MYO3A: variants seen among roughly 807,000 people sequenced by gnomAD.
MYO3A encodes the protein myosin IIIA.
In MYO3A, 180 loss-of-function variants were observed where a neutral mutation model predicts 192.7. The observed-to-expected ratio is 0.93, with a 90% CI of 0.83 to 1.06. MYO3A has a LOEUF of 1.06. Among genes scored for constraint, MYO3A ranks in the 50% least tolerant of loss-of-function variants. MYO3A has a pLI of 0.00. For synonymous variants in MYO3A, 628 were observed against 645.3 expected (o/e 0.97, Z 0.41); for missense variants, 1,896 against 1,905.0 (o/e 1.00, Z 0.09).
chr10:25,999,390 A>G (rs11014890), intron 6 of MYO3A, among the ~76,000 whole-genome samples: 5,925 of 152,216 alleles, frequency 0.039, 423 homozygotes, highest in African/African-American at 0.13. Flanking sequence ...TAATATTTCT[A>G]TTCTCCACAG....
chr10:26,098,134 T>C (rs1248817010), intron 17 of MYO3A, among the ~76,000 whole-genome samples: 1 of 152,192 alleles, frequency 6.6e-6, no homozygotes, highest in East Asian at 1.9e-4. Flanking sequence ...TGGTATCTCA[T>C]TGTGGTTTTG....
At chr10:26,117,380 G>A (rs969424447) in intron 17 of MYO3A, among the ~76,000 whole-genome samples, 6 of 152,214 alleles carry the variant, frequency 3.9e-5, no homozygotes, top group Admixed American at 1.3e-4. Flanking sequence ...ATAGGGAAAC[G>A]TGTGTCACGG....
chr10:26,067,294 C>A (rs961591146), intron 11 of MYO3A, among the ~76,000 whole-genome samples: 1 of 152,176 alleles, frequency 6.6e-6, no homozygotes, highest in African/African-American at 2.4e-5. Context: ...CTATATAACT[C>A]AAATTTCCAG....
intron 17 of MYO3A, among the ~76,000 whole-genome samples, chr10:26,105,923 A>C (rs934177542): frequency 3.3e-5 from 5 of 151,992 alleles, no homozygotes; most frequent in Non-Finnish European, 7.4e-5. Context: ...GACTTATCCT[A>C]TATTAAGGCC....
intron 32 of MYO3A, 102 bp downstream of exon 32, chr10:26,193,413 C>A (rs747782214): frequency 4.2e-6 from 4 of 962,116 alleles, no homozygotes; most frequent in Non-Finnish European, 6.5e-6. Context: ...GAAGGCCTGG[C>A]AGGACAGAGA....
intron 6 of MYO3A, among the ~76,000 whole-genome samples, chr10:25,997,870 C>G (rs146299174): frequency 4.6e-5 from 7 of 152,246 alleles, no homozygotes; most frequent in East Asian, 3.9e-4. Context: ...AACTTTGGAG[C>G]CTACCTTATC....
chr10:26,173,277 C>T (rs1210806994), intron 29 of MYO3A, among the ~76,000 whole-genome samples: 2 of 152,096 alleles, frequency 1.3e-5, no homozygotes, highest in African/African-American at 4.8e-5. Flanking sequence ...GTGAACATAC[C>T]CTGCTTACTG....
chr10:26,031,621 G>A (rs912165346), intron 10 of MYO3A, among the ~76,000 whole-genome samples: 2 of 152,182 alleles, frequency 1.3e-5, no homozygotes, highest in African/African-American at 4.8e-5. Context: ...TTTTTGAGCT[G>A]CTGAAGCAAC....
intron 14 of MYO3A, among the ~76,000 whole-genome samples, chr10:26,084,763 C>T (rs1836198540): frequency 1.3e-5 from 2 of 152,206 alleles, no homozygotes; most frequent in Admixed American, 6.5e-5. Context: ...CTTGGCCTCT[C>T]AAAATGCTGG....
intron 8 of MYO3A, chr10:26,022,998 A>G (rs1480083925): frequency 6.6e-6 from 1 of 152,204 alleles, no homozygotes. Flanking sequence ...TTCTGAAATA[A>G]TCCAAACTTT....
chr10:26,051,551 T>G (rs1342129553), intron 10 of MYO3A, among the ~76,000 whole-genome samples: 2 of 143,432 alleles, frequency 1.4e-5, no homozygotes, highest in East Asian at 1.9e-4. Flanking sequence ...ATATATATAT[T>G]ATATACTATC....
At chr10:26,113,870 TA>T (rs934283159) in intron 17 of MYO3A, among the ~76,000 whole-genome samples, 1 of 152,224 alleles carries the variant, frequency 6.6e-6, no homozygotes, top group African/African-American at 2.4e-5. Flanking sequence ...ATTCCATGAC[TA>T]AAATTGAGGG....
chr10:26,069,429 G>A (rs1835058470), intron 12 of MYO3A, among the ~76,000 whole-genome samples: 1 of 151,922 alleles, frequency 6.6e-6, no homozygotes, highest in Admixed American at 6.6e-5. Flanking sequence ...TACTATTCTG[G>A]AATTAAACAA....
chr10:25,996,828 T>A (rs1032944369), intron 5 of MYO3A, among the ~76,000 whole-genome samples: 11 of 152,342 alleles, frequency 7.2e-5, no homozygotes, highest in African/African-American at 2.4e-4. Context: ...TTTCTGAGAC[T>A]GTGATAGTGA....
At chr10:26,163,650 G>A (rs1308264241) in intron 26 of MYO3A, among the ~76,000 whole-genome samples, 2 of 152,156 alleles carry the variant, frequency 1.3e-5, no homozygotes, top group East Asian at 3.8e-4. Flanking sequence ...AGGAAATGGA[G>A]GAGGAAGGAA....
chr10:26,109,930 C>A (rs1838056429), intron 17 of MYO3A, among the ~76,000 whole-genome samples: 1 of 152,120 alleles, frequency 6.6e-6, no homozygotes, highest in African/African-American at 2.4e-5. Flanking sequence ...ATTAACAATT[C>A]CTCTTGGGAC....
chr10:25,982,559 T>C (rs1839399828), intron 4 of MYO3A, among the ~76,000 whole-genome samples: 1 of 152,192 alleles, frequency 6.6e-6, no homozygotes, highest in African/African-American at 2.4e-5. Flanking sequence ...ACTCCCCTGC[T>C]ACCTCCACCA....
At chr10:26,078,255 T>C (rs1179854575) in intron 14 of MYO3A, among the ~76,000 whole-genome samples, 1 of 151,896 alleles carries the variant, frequency 6.6e-6, no homozygotes, top group Non-Finnish European at 1.5e-5. Context: ...AGGAATTTAT[T>C]CATCTCTTCT....
At chr10:26,114,147 A>C (rs1838364502) in intron 17 of MYO3A, among the ~76,000 whole-genome samples, 1 of 152,020 alleles carries the variant, frequency 6.6e-6, no homozygotes, top group East Asian at 1.9e-4. Context: ...CAGGAGCATC[A>C]ACACTATGGC....
Sources: allele counts gnomAD v4.1 joint callset (sites outside exome capture counted in the v4.1 genomes callset), GRCh38; gene constraint gnomAD v4.1.1; transcripts MANE v1.5; gene names NCBI Gene and HGNC (gene_info 2026-07-23, HGNC 2026-07-21).